PPP1R21: variants seen among roughly 807,000 people sequenced by gnomAD.
PPP1R21 encodes the protein KLRAQ motif containing 1.
PPP1R21 carries 85 observed loss-of-function variants against 112.8 expected under a neutral mutation model. The observed-to-expected ratio is 0.75, with a 90% CI of 0.63 to 0.90. PPP1R21 has a LOEUF of 0.90. PPP1R21 is among the 40% of genes least tolerant of loss of function. The pLI is 0.00. For synonymous variants in PPP1R21, 381 were observed against 322.3 expected, an observed-to-expected ratio of 1.18 and a Z score of -1.95; for missense variants, 1,199 against 901.5, an observed-to-expected ratio of 1.33 and a Z score of -4.23.
Position 48,498,636 on chromosome 2 carries a change from G to A in PPP1R21, c.1836G>A (p.Leu612=), listed in dbSNP as rs1224081192. The change falls in exon 17 of 22, where the codon CTG becomes CTA. Residue 612 remains leucine (L), a synonymous_variant. Transcript: ENST00000294952. ...TGAAGAATACAGGTAGTGCCCAGCTGGTTGGGCTGGCCCAGGAAAATGCTG... is the reference window on the plus strand; with the variant it reads ...TGAAGAATACAGGTAGTGCCCAGCTAGTTGGGCTGGCCCAGGAAAATGCTG... The part of the protein sequence containing the change: ...DKLKNTGSAQ[L]VGLAQENAAV... The A allele has an allele frequency of 2.5e-6, 4 of 1,614,116 alleles. No individual in the cohort carries two copies. Among genetic ancestry groups the A allele is most frequent in the Admixed American group, 1.7e-5 (1 of 60,016 alleles).
intron 6 of PPP1R21, among the ~76,000 whole-genome samples, chr2:48,460,392 C>G (rs749475512): frequency 1.3e-5 from 2 of 152,140 alleles, no homozygotes; most frequent in Non-Finnish European, 2.9e-5. Flanking sequence ...TGTTCTGGAG[C>G]TCTTGCACTG....
intron 17 of PPP1R21, among the ~76,000 whole-genome samples, chr2:48,500,925 A>G (rs549799621): frequency 1.3e-4 from 19 of 149,542 alleles, no homozygotes; most frequent in Non-Finnish European, 2.7e-4. Flanking sequence ...AAAAAACCCC[A>G]AAGAAACAAA....
chr2:48,488,435 C>G (rs1391130025), intron 14 of PPP1R21, among the ~76,000 whole-genome samples: 1 of 150,588 alleles, frequency 6.6e-6, no homozygotes, highest in Non-Finnish European at 1.5e-5. Flanking sequence ...GGCATGATCT[C>G]AGCTCACTGC....
At chr2:48,476,917 C>A (rs1279170326) in intron 12 of PPP1R21, among the ~76,000 whole-genome samples, 1 of 151,782 alleles carries the variant, frequency 6.6e-6, no homozygotes, top group Non-Finnish European at 1.5e-5. Context: ...TTGATAGTGT[C>A]CTTTGAGGAA....
chr2:48,440,832 C>CGGCGGT lies in PPP1R21; in HGVS notation c.-119_-118insGGTGGC, dbSNP rs1553333080. On this transcript the variant is annotated 5_prime_UTR_variant, in exon 1 of 22. Transcript: ENST00000294952. ...GGAGGCGCGGCGGCGGCGGCGGCGGCGGCTGCGGTGGCCAAGCAGGCAGAT... is the reference window on the plus strand; with the variant it reads ...GGAGGCGCGGCGGCGGCGGCGGCGGCGGCGGTGGCTGCGGTGGCCAAGCAGGCAGAT... The CGGCGGT allele has an allele frequency of 1.4e-6, 1 of 697,372 alleles. No homozygotes were observed. The highest frequency in any genetic ancestry group is 1.9e-5 in the African/African-American group (1 of 52,334). 43.2% of individuals were successfully genotyped at this position (697,372 alleles called of 1,614,324 possible).
intron 13 of PPP1R21, among the ~76,000 whole-genome samples, chr2:48,482,331 G>A (rs1394135168): frequency 2.6e-5 from 4 of 152,184 alleles, no homozygotes; most frequent in Admixed American, 2.6e-4. Flanking sequence ...GTGATTTATT[G>A]GGGTATCTTA....
chr2:48,465,271 T>A (rs1321790412), intron 8 of PPP1R21, among the ~76,000 whole-genome samples: 1 of 152,204 alleles, frequency 6.6e-6, no homozygotes, highest in East Asian at 1.9e-4. Context: ...GTAGACCTTA[T>A]ACTTAAGTGG....
At chr2:48,472,010 TG>T (rs995055002) in intron 11 of PPP1R21, among the ~76,000 whole-genome samples, 4 of 148,936 alleles carry the variant, frequency 2.7e-5, no homozygotes, top group African/African-American at 9.9e-5. Context: ...GAGGCTGAGG[TG>T]GGTGGATCAC....
chr2:48,470,203 A>T (rs1668438177), intron 9 of PPP1R21, among the ~76,000 whole-genome samples: 1 of 152,130 alleles, frequency 6.6e-6, no homozygotes, highest in Non-Finnish European at 1.5e-5. Context: ...TGTAAATATT[A>T]AGGTTATCAG....
At chr2:48,484,612 G>A (rs1013878455) in intron 13 of PPP1R21, among the ~76,000 whole-genome samples, 1 of 150,360 alleles carries the variant, frequency 6.7e-6, no homozygotes, top group South Asian at 2.1e-4. Flanking sequence ...CCACTCTTGG[G>A]TTTAAGCAAT....
At chr2:48,488,534 T>G (rs1023550139) in intron 14 of PPP1R21, among the ~76,000 whole-genome samples, 2 of 152,078 alleles carry the variant, frequency 1.3e-5, no homozygotes, top group Non-Finnish European at 2.9e-5. Context: ...GCCTGGCTAA[T>G]TTTGTTTTTG....
chr2:48,480,012 G>T lies in PPP1R21; in HGVS notation c.1314G>T (p.Met438Ile). The T allele has an allele frequency of 6.2e-7, 1 of 1,602,924 alleles. No homozygotes were observed. Among genetic ancestry groups the T allele is most frequent in the Non-Finnish European group, 8.5e-7 (1 of 1,169,836 alleles). ...GAALHGFHDV[M>I]KDISKHYSQK... Reference sequence around the variant, plus strand: ...CTCTGCATGGATTTCATGACGTTATGAAAGGTAGGCCTTGAAAAAGAACGT... The same window carrying T: ...CTCTGCATGGATTTCATGACGTTATTAAAGGTAGGCCTTGAAAAAGAACGT... The change falls in exon 13 of 22, where the codon ATG becomes ATT. Residue 438 changes from methionine to isoleucine, a missense_variant. Met to Ile is a conservative substitution (Grantham distance 10). Transcript: ENST00000294952.
chr2:48,469,508 GCATATATATATATATATATATAT>G (rs1168627754), intron 9 of PPP1R21, among the ~76,000 whole-genome samples: 1 of 14,836 alleles, frequency 6.7e-5, no homozygotes, highest in African/African-American at 3.9e-4. Flanking sequence ...TATATATAGA[GCATATATATATATATATATATAT>G]ATATAGAGCA....
chr2:48,479,269 A>G (rs1177823925), intron 12 of PPP1R21, among the ~76,000 whole-genome samples: 1 of 152,188 alleles, frequency 6.6e-6, no homozygotes, highest in Non-Finnish European at 1.5e-5. Context: ...GTTGGGAGAG[A>G]CGAAGTCCCG....
chr2:48,483,014 T>C (rs545549492), intron 13 of PPP1R21, among the ~76,000 whole-genome samples: 4 of 152,122 alleles, frequency 2.6e-5, no homozygotes, highest in Admixed American at 2.6e-4. Flanking sequence ...TCAGCTTCCA[T>C]TGACAAGTGA....
intron 11 of PPP1R21, among the ~76,000 whole-genome samples, chr2:48,472,141 G>A (rs1224491119): frequency 2.0e-5 from 3 of 148,720 alleles, no homozygotes; most frequent in Non-Finnish European, 4.4e-5. Flanking sequence ...TTGGGAGGCT[G>A]AGGCAGGAGA....
intron 9 of PPP1R21, among the ~76,000 whole-genome samples, chr2:48,466,585 G>A (rs796396739): frequency 1.3e-5 from 2 of 152,174 alleles, no homozygotes; most frequent in South Asian, 2.1e-4. Context: ...CCAGTAAGTG[G>A]TATGAGATCA....
At chr2:48,450,542 A>G (rs1270385292) in intron 1 of PPP1R21, among the ~76,000 whole-genome samples, 2 of 152,192 alleles carry the variant, frequency 1.3e-5, no homozygotes, top group Non-Finnish European at 2.9e-5. Context: ...ACAGTGTCCT[A>G]CTGGGATGTT....
Position 48,481,482 on chromosome 2 carries a change from A to T in PPP1R21, c.1318+1466A>T, listed in dbSNP as rs1669009091. On this transcript the variant is annotated intron_variant, in intron 13 of 21. Coordinates refer to ENST00000294952, the MANE Select transcript of PPP1R21 (RefSeq NM_001135629.3). ...GAGGCTTTTGGTTTGAGGAGCTAAG[A>T]CTTAGTCGTAGTCCTCTCTTCCAGA... Among the ~76,000 whole-genome samples, 9 of 152,190 alleles carry T rather than the reference A, an allele frequency of 5.9e-5. No individual in the cohort carries two copies. The South Asian group carries it at 1.9e-3, about 31-fold the overall frequency.
Sources: allele counts gnomAD v4.1 joint callset (sites outside exome capture counted in the v4.1 genomes callset), GRCh38; gene constraint gnomAD v4.1.1; transcripts MANE v1.5; gene names NCBI Gene and HGNC (gene_info 2026-07-23, HGNC 2026-07-21).